Variants in MTR observed in about 807,000 individuals in gnomAD.
The protein encoded by MTR is methionine synthase.
MTR carries 84 observed loss-of-function variants against 154.8 expected under a neutral mutation model. That is an observed-to-expected ratio of 0.54 (90% confidence interval 0.45 to 0.65). The LOEUF is 0.65. Among genes scored for constraint, MTR ranks in the 30% least tolerant of loss-of-function variants. The pLI is 0.00. For missense variants in MTR, 1,275 were observed against 1,570.2 expected (o/e 0.81, Z 3.18); for synonymous variants, 554 against 553.9 (o/e 1.00, Z 0.00).
At chr1:236,829,159 A>G (rs1470316429) in intron 11 of MTR, 30 bp from the exon 12 acceptor site, 1 of 1,525,972 alleles carries the variant, frequency 6.6e-7, no homozygotes, top group Admixed American at 1.7e-5. Flanking sequence ...TTCTGAATTA[A>G]TGGATACAAT....
intron 15 of MTR, among the ~76,000 whole-genome samples, chr1:236,839,582 A>G (rs1204980177): frequency 6.6e-6 from 1 of 152,208 alleles, no homozygotes; most frequent in Non-Finnish European, 1.5e-5. Context: ...TTCAAATATA[A>G]TGATCGTTCA....
intron 25 of MTR, among the ~76,000 whole-genome samples, chr1:236,882,200 A>G (rs1439299891): frequency 1.3e-5 from 2 of 152,212 alleles, no homozygotes; most frequent in Non-Finnish European, 2.9e-5. Flanking sequence ...TGTCAGGTCC[A>G]TGGCTGAGTG....
At position 236,889,203 on chromosome 1, in the gene MTR, C is replaced by A. The variant is rs1251719463; in HGVS notation, c.2874C>A (p.Thr958=). ...PHPVKPTFIG[T]QVFEDYDLQK... ...TAGTGAAGCCCACGTTTATTGGGAC[C>A]CAGGTCTTTGAAGACTATGACCTGC... Residue 958 remains threonine (T), a synonymous_variant, in exon 28 of 33, where the codon ACC becomes ACA. Transcript: ENST00000366577. The A allele has an allele frequency of 2.5e-6, 4 of 1,614,046 alleles. No individual in the cohort carries two copies. The highest frequency in any genetic ancestry group is 3.4e-6 in the Non-Finnish European group (4 of 1,180,040).
intron 29 of MTR, among the ~76,000 whole-genome samples, chr1:236,892,343 G>T (rs1414783739): frequency 6.6e-6 from 1 of 151,960 alleles, no homozygotes; most frequent in East Asian, 1.9e-4. Flanking sequence ...GCACTGGGGA[G>T]TGCAGGCCTG....
chr1:236,876,438 A>G (rs1324822354), intron 24 of MTR, among the ~76,000 whole-genome samples: 4 of 152,222 alleles, frequency 2.6e-5, no homozygotes, highest in Admixed American at 2.6e-4. Context: ...GGCTTGGGTA[A>G]TTGATGACAG....
intron 25 of MTR, 102 bp downstream of exon 25, chr1:236,880,938 A>C (rs948867588): frequency 8.4e-7 from 1 of 1,195,756 alleles, no homozygotes; most frequent in Non-Finnish European, 1.2e-6. Context: ...AGTTCTACTA[A>C]ATAAAGGTCA....
In MTR at chr1:236,859,900, G is replaced by A. The variant is rs774231870; in HGVS notation, c.2021G>A (p.Arg674His). The A allele has an allele frequency of 1.2e-6, 2 of 1,613,870 alleles. No homozygotes were observed. Among genetic ancestry groups the A allele is most frequent in the Non-Finnish European group, 1.7e-6 (2 of 1,179,852 alleles). Residue 674 changes from arginine (R) to histidine (H), a missense_variant, in exon 19 of 33, where the codon CGC becomes CAC. By Grantham distance (29) the Arg-to-His change is conservative. Coordinates refer to ENST00000366577, the MANE Select transcript of MTR (RefSeq NM_000254.3). ...DEWRNGPVEE[R>H]LEYALVKGIE... Reference sequence around the variant, plus strand: ...TGGAGAAATGGCCCTGTCGAAGAACGCCTTGAGTATGCCCTTGTGAAGGTA... The same window carrying A: ...TGGAGAAATGGCCCTGTCGAAGAACACCTTGAGTATGCCCTTGTGAAGGTA...
At chr1:236,803,258 G>A (rs368289246) in intron 1 of MTR, among the ~76,000 whole-genome samples, 170 bp from the exon 2 acceptor site, 2 of 152,166 alleles carry the variant, frequency 1.3e-5, no homozygotes, top group Admixed American at 6.5e-5. Flanking sequence ...GCATTGTCAC[G>A]ACTTAATGAC....
At chr1:236,859,785 T>C in intron 18 of MTR, 48 bp from the exon 19 acceptor site, 1 of 1,425,148 alleles carries the variant, frequency 7.0e-7, no homozygotes, top group South Asian at 1.1e-5. Context: ...TCAAACAGTT[T>C]GGTTAGTGAT....
chr1:236,868,638 TTATG>T (rs1664951382), intron 22 of MTR, among the ~76,000 whole-genome samples: 1 of 152,240 alleles, frequency 6.6e-6, no homozygotes, highest in African/African-American at 2.4e-5. Flanking sequence ...CAGTGTTTAA[TTATG>T]TAAGAAAAAT....
rs1572168650 is a variant in MTR at position 236,795,403 on chromosome 1, A to C, written c.-301A>C. The stretch of plus-strand genomic sequence containing the variant: ...GGGTCCTTTTCCGTGCCGTCCCGCG[A>C]CTCCGCCTCTGGCCGCGCGTGTCTG... On this transcript the variant is annotated 5_prime_UTR_variant, in exon 1 of 33. Coordinates refer to ENST00000366577, the MANE Select transcript of MTR (RefSeq NM_000254.3). 6.9e-7 allele frequency: 1 copy of C among 1,444,520 alleles called. No individual in the cohort carries two copies. The highest frequency in any genetic ancestry group is 9.2e-7 in the Non-Finnish European group (1 of 1,088,978). The allele number at this position is 1,444,520 out of a possible 1,614,324, so 89.5% of individuals were successfully genotyped here.
At chr1:236,841,770 C>G (rs557618965) in intron 15 of MTR, among the ~76,000 whole-genome samples, 4 of 152,122 alleles carry the variant, frequency 2.6e-5, no homozygotes, top group African/African-American at 7.2e-5. Context: ...TACTTTTACA[C>G]TTAATTGGCA....
intron 22 of MTR, among the ~76,000 whole-genome samples, chr1:236,866,997 C>T (rs1384996980): frequency 6.6e-6 from 1 of 152,172 alleles, no homozygotes; most frequent in Non-Finnish European, 1.5e-5. Flanking sequence ...AGGTGAAGTG[C>T]AGGTGCTGAT....
intron 6 of MTR, among the ~76,000 whole-genome samples, chr1:236,814,368 T>TA (rs1367762790): frequency 6.6e-6 from 1 of 152,136 alleles, no homozygotes; most frequent in African/African-American, 2.4e-5. Flanking sequence ...ATTGTTCAGA[T>TA]TAGAAATAAG....
At chr1:236,800,064 G>A in intron 1 of MTR, 1 of 985,240 alleles carries the variant, frequency 1.0e-6, no homozygotes, top group Non-Finnish European at 1.2e-6. Context: ...TTTCTGGATT[G>A]AAAAGGGAAT....
intron 13 of MTR, among the ~76,000 whole-genome samples, chr1:236,833,284 A>G (rs183734739): frequency 6.6e-6 from 1 of 152,286 alleles, no homozygotes; most frequent in Non-Finnish European, 1.5e-5. Flanking sequence ...CCTTTGGTGG[A>G]TTTGATAGAT....
At chr1:236,848,332 A>G (rs1663707752) in intron 15 of MTR, among the ~76,000 whole-genome samples, 1 of 152,150 alleles carries the variant, frequency 6.6e-6, no homozygotes, top group South Asian at 2.1e-4. Context: ...AGGAATGACC[A>G]GGACCTTGAC....
intron 8 of MTR, among the ~76,000 whole-genome samples, chr1:236,821,966 G>T (rs1661981652): frequency 6.6e-6 from 1 of 152,112 alleles, no homozygotes; most frequent in South Asian, 2.1e-4. Flanking sequence ...TAGCTTTTTA[G>T]TAAGTCTTGG....
intron 8 of MTR, among the ~76,000 whole-genome samples, chr1:236,817,053 T>C (rs938820172): frequency 5.3e-5 from 8 of 152,178 alleles, no homozygotes; most frequent in Admixed American, 5.2e-4. Flanking sequence ...AACCACTGTA[T>C]TTCAGCTTGG....
Sources: gnomAD v4.1 joint callset for allele counts (sites outside exome capture counted in the v4.1 genomes callset) on GRCh38, gnomAD v4.1.1 for gene constraint, MANE v1.5 for transcripts, NCBI Gene and HGNC (gene_info 2026-07-23, HGNC 2026-07-21) for gene names.